ROBO2: variants seen among roughly 807,000 people sequenced by gnomAD.
The protein encoded by ROBO2 is roundabout homolog 2.
ROBO2 carries 53 observed loss-of-function variants against 160.8 expected under a neutral mutation model. The ratio of observed to expected loss-of-function variants is 0.33; its 90% CI spans 0.26 to 0.41. The LOEUF (loss-of-function observed/expected upper bound fraction) is 0.41, where lower values mean the gene tolerates loss of function less well. ROBO2 is among the 10% of genes least tolerant of loss of function. ROBO2 has a pLI of 1.00. For missense variants in ROBO2, 1,577 were observed against 1,722.4 expected (o/e 0.92, Z 1.49); for synonymous variants, 664 against 611.7 (o/e 1.09, Z -1.26).
At chr3:76,528,696 C>T (rs2082071253) in intron 2 of ROBO2, among the ~76,000 whole-genome samples, 1 of 151,950 alleles carries the variant, frequency 6.6e-6, no homozygotes, top group Admixed American at 6.6e-5. Context: ...GTAGGTTTCT[C>T]ATTAGCATAT....
At chr3:75,914,758 C>A (rs1374153991) in intron 1 of ROBO2, among the ~76,000 whole-genome samples, 1 of 152,086 alleles carries the variant, frequency 6.6e-6, no homozygotes, top group Admixed American at 6.6e-5. Flanking sequence ...TTTTTAGCTC[C>A]CAGTTTCAGA....
intron 2 of ROBO2, among the ~76,000 whole-genome samples, chr3:76,685,916 A>G (rs544393405): frequency 6.6e-6 from 1 of 152,144 alleles, no homozygotes; most frequent in African/African-American, 2.4e-5. Flanking sequence ...CATCCTTTCT[A>G]TGTATCCTTT....
chr3:76,926,841 A>G (rs1577545363), intron 2 of ROBO2, among the ~76,000 whole-genome samples: 1 of 151,646 alleles, frequency 6.6e-6, no homozygotes, highest in South Asian at 2.1e-4. Flanking sequence ...AATCTAGCTC[A>G]TTATTGTAAC....
chr3:77,441,080 G>A (rs956456636), intron 2 of ROBO2, among the ~76,000 whole-genome samples: 1 of 151,996 alleles, frequency 6.6e-6, no homozygotes, highest in Non-Finnish European at 1.5e-5. Flanking sequence ...CAAATGAGTA[G>A]AGTGTAGTTC....
chr3:76,232,009 C>T (rs1704649391), intron 2 of ROBO2, among the ~76,000 whole-genome samples: 1 of 152,116 alleles, frequency 6.6e-6, no homozygotes, highest in South Asian at 2.1e-4. Context: ...TAAAGGCTAA[C>T]TTGCTCAAAA....
chr3:76,599,428 T>C (rs1442723857), intron 2 of ROBO2, among the ~76,000 whole-genome samples: 2 of 152,236 alleles, frequency 1.3e-5, no homozygotes, highest in Non-Finnish European at 2.9e-5. Context: ...GGCTGCATAG[T>C]ATTCCATAGT....
chr3:76,700,386 A>G (rs2093023059), intron 2 of ROBO2, among the ~76,000 whole-genome samples: 1 of 152,022 alleles, frequency 6.6e-6, no homozygotes, highest in African/African-American at 2.4e-5. Context: ...TTTGACCACA[A>G]ATGTTTTTCT....
intron 2 of ROBO2, among the ~76,000 whole-genome samples, chr3:77,337,213 T>C (rs1163316486): frequency 6.6e-6 from 1 of 152,192 alleles, no homozygotes; most frequent in African/African-American, 2.4e-5. Context: ...TTTGGAAGCC[T>C]TCAAATATCT....
At chr3:77,483,289 T>G (rs1012648127) in intron 4 of ROBO2, among the ~76,000 whole-genome samples, 26 of 151,902 alleles carry the variant, frequency 1.7e-4, no homozygotes, top group African/African-American at 6.3e-4. Flanking sequence ...AAAGTGATGG[T>G]CCAAATCAAG....
intron 2 of ROBO2, among the ~76,000 whole-genome samples, chr3:77,325,704 A>T (rs2065306367): frequency 6.6e-6 from 1 of 152,204 alleles, no homozygotes; most frequent in African/African-American, 2.4e-5. Context: ...TTGTTAAGTA[A>T]TCTTTTGTTT....
intron 1 of ROBO2, among the ~76,000 whole-genome samples, chr3:77,080,935 C>T (rs1039701185): frequency 5.6e-4 from 85 of 152,072 alleles, no homozygotes; most frequent in South Asian, 2.1e-4. Context: ...AGGTATTCGC[C>T]GGAGTTGCCT....
chr3:77,401,549 A>C (rs560581249), intron 2 of ROBO2, among the ~76,000 whole-genome samples: 1 of 151,996 alleles, frequency 6.6e-6, no homozygotes, highest in Non-Finnish European at 1.5e-5. Flanking sequence ...TTGGGCTGGT[A>C]AAAAGGGTAT....
chr3:76,213,594 T>C (rs2107337889), intron 2 of ROBO2, among the ~76,000 whole-genome samples: 1 of 152,264 alleles, frequency 6.6e-6, no homozygotes. Context: ...TTAAATAAAG[T>C]ACTAAGAGAT....
At chr3:77,138,073 G>A (rs2076417542) in intron 2 of ROBO2, among the ~76,000 whole-genome samples, 1 of 152,022 alleles carries the variant, frequency 6.6e-6, no homozygotes, top group South Asian at 2.1e-4. Flanking sequence ...ATTATCCAAA[G>A]CCTTTCTCTT....
intron 2 of ROBO2, among the ~76,000 whole-genome samples, chr3:76,800,260 A>G (rs1241374076): frequency 6.6e-6 from 1 of 152,196 alleles, no homozygotes. Context: ...CTCAAACTGT[A>G]AAACTACTAA....
intron 2 of ROBO2, among the ~76,000 whole-genome samples, chr3:77,269,337 C>G (rs1430787514): frequency 6.6e-6 from 1 of 152,136 alleles, no homozygotes; most frequent in East Asian, 1.9e-4. Flanking sequence ...GTAGACCTAA[C>G]ACATACAATG....
chr3:76,313,982 G>C (rs547902102), intron 2 of ROBO2, among the ~76,000 whole-genome samples: 1 of 152,272 alleles, frequency 6.6e-6, no homozygotes, highest in Admixed American at 6.5e-5. Flanking sequence ...TAGCCAGACA[G>C]CACCAAACGG....
intron 2 of ROBO2, among the ~76,000 whole-genome samples, chr3:76,337,229 T>C (rs923725600): frequency 1.9e-4 from 29 of 152,150 alleles, no homozygotes; most frequent in African/African-American, 6.8e-4. Context: ...CTGCAAATTA[T>C]CAGTGAGATG....
exon 6 of ROBO2, chr3:77,522,889 A>G: frequency 1.2e-6 from 2 of 1,609,318 alleles, no homozygotes; most frequent in Non-Finnish European, 1.7e-6. Context: ...CCTCTGCTAC[A>G]CTCACCGTCC....
Sources: allele counts gnomAD v4.1 joint callset (sites outside exome capture counted in the v4.1 genomes callset), GRCh38; gene constraint gnomAD v4.1.1; transcripts MANE v1.5; gene names NCBI Gene and HGNC (gene_info 2026-07-23, HGNC 2026-07-21).